MYNN: variants seen among roughly 807,000 people sequenced by gnomAD.
The protein encoded by MYNN is myoneurin, also known as zinc finger and BTB domain-containing protein 31.
In MYNN, 22 loss-of-function variants were observed where a neutral mutation model predicts 57.2. The observed-to-expected ratio is 0.38, with a 90% CI of 0.27 to 0.55. The LOEUF is 0.55. Among genes scored for constraint, MYNN ranks in the 20% least tolerant of loss-of-function variants. The probability of loss-of-function intolerance (pLI) is 0.71; values close to 1 mark genes in which losing one functional copy is unlikely to be tolerated. For synonymous variants in MYNN, 241 were observed against 257.1 expected (o/e 0.94, Z 0.60); for missense variants, 566 against 723.1 (o/e 0.78, Z 2.49).
At chr3:169,780,811 G>A (rs1243681910) in intron 4 of MYNN, 62 bp downstream of exon 4, 18 of 1,306,730 alleles carry the variant, frequency 1.4e-5, no homozygotes, top group Non-Finnish European at 1.5e-5. Flanking sequence ...CTTATGAATA[G>A]ACTATTATAT....
chr3:169,775,883 AG>A (rs1778325015), intron 2 of MYNN, among the ~76,000 whole-genome samples: 1 of 152,194 alleles, frequency 6.6e-6, no homozygotes, highest in South Asian at 2.1e-4. Flanking sequence ...ATCTAGAATC[AG>A]GGTGCTCATT....
rs1220618841 is a variant in MYNN, at chr3:169,786,450, T to A, written c.1605T>A (p.Asp535Glu). ...ADKTLDSSAE[D>E]HTLSEQDSIQ... The stretch of plus-strand genomic sequence containing the variant: ...AAACTCTAGACTCCAGTGCAGAGGA[T>A]CATACTTTGAGTGAACAGGATTCCA... The change falls in exon 8 of 8, where the codon GAT becomes GAA. Residue 535 changes from aspartate to glutamate, a missense_variant. By Grantham distance (45) the Asp-to-Glu change is conservative. Coordinates refer to ENST00000349841, the MANE Select transcript of MYNN (RefSeq NM_018657.5). 3 of 1,613,484 alleles carry A rather than the reference T, an allele frequency of 1.9e-6. No individual in the cohort carries two copies. Among genetic ancestry groups the A allele is most frequent in the Admixed American group, 1.7e-5 (1 of 59,996 alleles).
rs769021933 is a variant in MYNN at position 169,774,246 on chromosome 3, GTTTC to G, written c.-31-15_-31-12del. 3.8e-6 allele frequency: 6 copies of G among 1,583,878 alleles called. No homozygotes were observed. The East Asian group carries it at 6.7e-5, about 18-fold the overall frequency. On this transcript the variant is annotated splice_polypyrimidine_tract_variant and intron_variant, in intron 1 of 7. Transcript: ENST00000349841. ...GAGAACTTACGGTTACTGATTTACT[GTTTC>G]TTTTTGTCTTTTAGATCAAGGGTAA...
chr3:169,783,736 G>A (rs1463393986), intron 6 of MYNN, 176 bp downstream of exon 6: 2 of 657,026 alleles, frequency 3.0e-6, no homozygotes, highest in African/African-American at 1.8e-5. Context: ...TTAGTTGTTT[G>A]GAGTATGAAT....
intron 1 of MYNN, 124 bp from the exon 2 acceptor site, chr3:169,774,141 T>G: frequency 1.5e-6 from 1 of 677,222 alleles, no homozygotes; most frequent in South Asian, 1.9e-5. Context: ...TTCTTAACCA[T>G]GTATGTTTGA....
At chr3:169,781,448 T>C (rs1778513676) in intron 4 of MYNN, among the ~76,000 whole-genome samples, 1 of 152,172 alleles carries the variant, frequency 6.6e-6, no homozygotes, top group Non-Finnish European at 1.5e-5. Context: ...TGGCAATCAT[T>C]AGCGTTTGGC....
chr3:169,774,664 C>T (rs1288861343), intron 2 of MYNN, 103 bp downstream of exon 2: 2 of 1,074,638 alleles, frequency 1.9e-6, no homozygotes, highest in Non-Finnish European at 2.7e-6. Context: ...TCAAATTCTT[C>T]ACCTATTTAT....
chr3:169,785,428 A>G (rs576258104), intron 7 of MYNN, among the ~76,000 whole-genome samples: 10 of 152,136 alleles, frequency 6.6e-5, no homozygotes, highest in African/African-American at 2.4e-4. Context: ...TACTCAAAGC[A>G]CTTACAACCT....
rs891392553 is a variant in MYNN, at chr3:169,787,176, C to G, written c.*498C>G. 1 of 152,606 alleles carries G rather than the reference C, an allele frequency of 6.6e-6. No homozygotes were observed. The highest frequency in any genetic ancestry group is 2.4e-5 in the African/African-American group (1 of 41,404). The allele number at this position is 152,606 out of a possible 1,614,324, so 9.5% of individuals were successfully genotyped here. A position where few individuals can be genotyped will look rare whatever the true frequency, so the allele number is the denominator to read the frequency against. On this transcript the variant is annotated 3_prime_UTR_variant, in exon 8 of 8. Coordinates refer to ENST00000349841, the MANE Select transcript of MYNN (RefSeq NM_018657.5). ...ATATTTTCGCTCGTAAAAATTTAGG[C>G]GCTGAATAAGAATTGTGCTATTTCT...
At chr3:169,773,572 C>A (rs562304501) in intron 1 of MYNN, 110 bp downstream of exon 1, 3 of 152,940 alleles carry the variant, frequency 2.0e-5, no homozygotes, top group East Asian at 3.8e-4. Flanking sequence ...AGGTGGAAGG[C>A]TTGGGCTAGG....
chr3:169,780,870 T>C, intron 4 of MYNN, 121 bp downstream of exon 4: 1 of 890,712 alleles, frequency 1.1e-6, no homozygotes, highest in Non-Finnish European at 1.6e-6. Flanking sequence ...CAAACAATGT[T>C]AACACGTTCA....
In MYNN at chr3:169,786,417, T is replaced by G; in HGVS notation, c.1572T>G (p.Gly524=). The change falls in exon 8 of 8, where the codon GGT becomes GGG. Residue 524 remains glycine, a splice_region_variant and synonymous_variant. Coordinates refer to ENST00000349841, the MANE Select transcript of MYNN (RefSeq NM_018657.5). ...GATTTTTTTTTCCTTCCATTCTAGG[T>G]GCAGATAAAACTCTAGACTCCAGTG... is the stretch of plus-strand genomic sequence containing the variant. ...LKKHKTKVHS[G]ADKTLDSSAE... The G allele has an allele frequency of 1.2e-6, 2 of 1,606,816 alleles. No individual in the cohort carries two copies. Among genetic ancestry groups the G allele is most frequent in the South Asian group, 2.2e-5 (2 of 90,780 alleles).
chr3:169,778,777 TAAAG>T lies in MYNN; in HGVS notation c.280_283del (p.Glu94PhefsTer19). 12 of 1,589,660 alleles carry T rather than the reference TAAAG, an allele frequency of 7.5e-6. No individual in the cohort carries two copies. The highest frequency in any genetic ancestry group is 1.0e-5 in the Non-Finnish European group (12 of 1,171,230). ...CCTTGTTTCCTTGCAGTTGGAATGT[TAAAG>T]AAATTCATCAGGCTGCTGACTATCT... is the stretch of plus-strand genomic sequence containing the variant. On this transcript the variant is annotated frameshift_variant, in exon 3 of 8. Transcript: ENST00000349841. LOFTEE classifies it high-confidence loss of function.
intron 7 of MYNN, 29 bp downstream of exon 7, chr3:169,784,737 T>A: frequency 7.0e-7 from 1 of 1,438,740 alleles, no homozygotes; most frequent in African/African-American, 1.4e-5. Context: ...TTTGCTTGTT[T>A]GTTTGTTTTA....
In MYNN at chr3:169,788,862, A is replaced by G. The variant is rs1041124770; in HGVS notation, c.*2184A>G. 6.6e-6 allele frequency: 1 copy of G among 152,150 alleles called. No homozygotes were observed. The highest frequency in any genetic ancestry group is 2.4e-5 in the African/African-American group (1 of 41,446). The allele number at this position is 152,150 out of a possible 1,614,324, so 9.4% of individuals were successfully genotyped here. A position where few individuals can be genotyped will look rare whatever the true frequency, so the allele number is the denominator to read the frequency against. ...TCTTTGGCATTCTTCTCTTAATGCT[A>G]TGCTATTATTTATCATAATATGCAT... On this transcript the variant is annotated 3_prime_UTR_variant, in exon 8 of 8. Coordinates refer to ENST00000349841, the MANE Select transcript of MYNN (RefSeq NM_018657.5).
intron 4 of MYNN, among the ~76,000 whole-genome samples, chr3:169,781,764 C>T (rs1228816063): frequency 6.6e-6 from 1 of 152,084 alleles, no homozygotes; most frequent in Non-Finnish European, 1.5e-5. Flanking sequence ...AGTGGGAAGT[C>T]AGCAGTGCTC....
At position 169,774,061 on chromosome 3, in the gene MYNN, T is replaced by C. The variant is rs1289658671; in HGVS notation, c.-31-204T>C. 6.3e-6 allele frequency: 3 copies of C among 476,994 alleles called. No homozygotes were observed. In the East Asian group the frequency reaches 9.9e-5, roughly 16 times the overall value. 29.5% of individuals were successfully genotyped at this position (476,994 alleles called of 1,614,324 possible). On this transcript the variant is annotated intron_variant, in intron 1 of 7. Coordinates refer to ENST00000349841, the MANE Select transcript of MYNN (RefSeq NM_018657.5). ...AGAAGTGTTGCCATTCACCGTCACT[T>C]ATTGATGTGTCCAAAGGATTGTGTT...
At chr3:169,786,236 T>G (rs1338837349) in intron 7 of MYNN, among the ~76,000 whole-genome samples, 180 bp from the exon 8 acceptor site, 1 of 152,050 alleles carries the variant, frequency 6.6e-6, no homozygotes, top group East Asian at 1.9e-4. Flanking sequence ...GAACTTAACC[T>G]TGAGGCCCAG....
rs1778712391 is a variant in MYNN at position 169,787,710 on chromosome 3, T to G, written c.*1032T>G. On this transcript the variant is annotated 3_prime_UTR_variant, in exon 8 of 8. Coordinates refer to ENST00000349841, the MANE Select transcript of MYNN (RefSeq NM_018657.5). ...TAGTTAAATATTTTATATCTGAGTT[T>G]TCTATAAGTTTGGGGTTTGTTAATT... 1.3e-5 allele frequency: 2 copies of G among 152,152 alleles called. No individual in the cohort carries two copies. The highest frequency in any genetic ancestry group is 2.9e-5 in the Non-Finnish European group (2 of 67,972). The allele number at this position is 152,152 out of a possible 1,614,324, so 9.4% of individuals were successfully genotyped here. A position where few individuals can be genotyped will look rare whatever the true frequency, so the allele number is the denominator to read the frequency against.
Sources: allele counts gnomAD v4.1 joint callset (sites outside exome capture counted in the v4.1 genomes callset), GRCh38; gene constraint gnomAD v4.1.1; transcripts MANE v1.5; gene names NCBI Gene and HGNC (gene_info 2026-07-23, HGNC 2026-07-21).